CEP164: variants seen among roughly 807,000 people sequenced by gnomAD.
CEP164 encodes the protein centrosomal protein of 164 kDa.
Under a neutral mutation model 182.7 loss-of-function variants are expected in CEP164, and 162 were observed. That is an observed-to-expected ratio of 0.89 (90% CI 0.78 to 1.01). The LOEUF is 1.01. Among genes scored for constraint, CEP164 ranks in the 50% least tolerant of loss-of-function variants. The pLI is 0.00. For synonymous variants in CEP164, 661 were observed against 690.0 expected (o/e 0.96, Z 0.66); for missense variants, 1,735 against 1,790.4 (o/e 0.97, Z 0.56).
rs558296878 is a variant in CEP164 at position 117,343,629 on chromosome 11, CT to C, written c.83-519del. Among the ~76,000 whole-genome samples the C allele has an allele frequency of 1.5e-3, 201 of 129,680 alleles. 1 individual carries two copies. Among genetic ancestry groups the C allele is most frequent in the Admixed American group, 3.3e-3 (41 of 12,334 alleles). 85.1% of individuals were successfully genotyped at this position (129,680 alleles called of 152,430 possible). On this transcript the variant is annotated intron_variant, in intron 3 of 32. Coordinates refer to ENST00000278935, the MANE Select transcript of CEP164 (RefSeq NM_014956.5). Reference sequence around the variant, plus strand: ...GTCTTGGTTTTATTTTATTTTTTGCCTTTTTTTTTTTTTTTTTTGAGACGAA... The same window carrying C: ...GTCTTGGTTTTATTTTATTTTTTGCCTTTTTTTTTTTTTTTTTGAGACGAA...
upstream of CEP164, among the ~76,000 whole-genome samples, chr11:117,324,917 A>AC (rs1447790990): frequency 6.6e-6 from 1 of 152,136 alleles, no homozygotes; most frequent in Non-Finnish European, 1.5e-5. Flanking sequence ...AAACAAACAA[A>AC]AAACCAGATT....
intron 4 of CEP164, among the ~76,000 whole-genome samples, chr11:117,351,264 C>T (rs559289061): frequency 2.0e-5 from 3 of 152,272 alleles, no homozygotes; most frequent in South Asian, 4.1e-4. Flanking sequence ...CTCCCGACCT[C>T]GGCCTCCCAA....
At chr11:117,353,292 T>A (rs539654339) in intron 5 of CEP164, among the ~76,000 whole-genome samples, 1 of 152,310 alleles carries the variant, frequency 6.6e-6, no homozygotes, top group African/African-American at 2.4e-5. Flanking sequence ...CTCCCCTCCC[T>A]GACATGTTAC....
chr11:117,408,909 T>G lies in CEP164; in HGVS notation c.3629T>G (p.Leu1210Arg), dbSNP rs767571570. The change falls in exon 29 of 33, where the codon CTG becomes CGG. Residue 1210 changes from leucine to arginine, a missense_variant. By Grantham distance (102) the Leu-to-Arg change is moderately radical. Transcript: ENST00000278935. Reference protein sequence around the residue: ...LWEEASDEGTLGGSPTKKAVT... With the variant: ...LWEEASDEGTRGGSPTKKAVT... Reference sequence around the variant, plus strand: ...CCACAGGCCTCAGATGAGGGCACTCTGGGAGGATCCCCCACCAAGAAGGCA... The same window carrying G: ...CCACAGGCCTCAGATGAGGGCACTCGGGGAGGATCCCCCACCAAGAAGGCA... 6 of 1,614,116 alleles carry G rather than the reference T, an allele frequency of 3.7e-6. No individual in the cohort carries two copies. In the South Asian group the frequency reaches 5.5e-5, roughly 15 times the overall value.
At chr11:117,408,341 T>A (rs2046949934) in intron 28 of CEP164, among the ~76,000 whole-genome samples, 1 of 152,102 alleles carries the variant, frequency 6.6e-6, no homozygotes. Flanking sequence ...GTGACCAGGG[T>A]GTCAGGAATG....
chr11:117,384,061 A>G (rs891341303), intron 14 of CEP164, among the ~76,000 whole-genome samples: 1 of 152,140 alleles, frequency 6.6e-6, no homozygotes, highest in Non-Finnish European at 1.5e-5. Context: ...GTTTATAGTC[A>G]CTAGAGCCCT....
At chr11:117,410,942 G>A (rs1221377031) in intron 31 of CEP164, 48 bp downstream of exon 31, 2 of 1,549,198 alleles carry the variant, frequency 1.3e-6, no homozygotes, top group Non-Finnish European at 1.8e-6. Flanking sequence ...TAGTCGAGCT[G>A]CTCACTGTGC....
Position 117,371,082 on chromosome 11 carries a change from G to A in CEP164, c.768G>A (p.Glu256=). ...TAACATGGTCTGTTGCTCCCTAGGA[G>A]TCTCTGAGAACAAGCCAGCCAGAGG... ...GALGGDFEYE[E]SLRTSQPEEK... Residue 256 remains glutamate (E), a splice_region_variant and synonymous_variant, in exon 9 of 33, where the codon GAG becomes GAA. Transcript: ENST00000278935. The A allele has an allele frequency of 6.3e-7, 1 of 1,588,442 alleles. No individual in the cohort carries two copies. Among genetic ancestry groups the A allele is most frequent in the African/African-American group, 1.3e-5 (1 of 74,086 alleles).
intron 1 of CEP164, among the ~76,000 whole-genome samples, chr11:117,333,492 T>C (rs2036541621): frequency 6.6e-6 from 1 of 152,200 alleles, no homozygotes; most frequent in South Asian, 2.1e-4. Flanking sequence ...GAGTAGTTTT[T>C]CAAAATGTGT....
At position 117,351,995 on chromosome 11, in the gene CEP164, C is replaced by A; in HGVS notation, c.393+7C>A. ...CCCCCCCAAAAGTTCGCTGGTGAGTCAGTGGATGCCTCCTCCCAGAGAGGC... is the reference window on the plus strand; with the variant it reads ...CCCCCCCAAAAGTTCGCTGGTGAGTAAGTGGATGCCTCCTCCCAGAGAGGC... On this transcript the variant is annotated splice_region_variant and intron_variant, in intron 5 of 32. Transcript: ENST00000278935. 6.4e-7 allele frequency: 1 copy of A among 1,559,990 alleles called. No homozygotes were observed. The highest frequency in any genetic ancestry group is 1.2e-5 in the South Asian group (1 of 85,324).
chr11:117,323,922 C>T, upstream of CEP164: 2 of 344,142 alleles, frequency 5.8e-6, no homozygotes, highest in Non-Finnish European at 6.1e-6. Context: ...AGGCAGTTTG[C>T]CCATTTTAAA....
At chr11:117,359,193 C>T in intron 5 of CEP164, among the ~76,000 whole-genome samples, 1 of 152,188 alleles carries the variant, frequency 6.6e-6, no homozygotes, top group East Asian at 1.9e-4. Context: ...ATCCGCCTGC[C>T]TCAGCCTCTC....
intron 5 of CEP164, among the ~76,000 whole-genome samples, chr11:117,360,473 C>A (rs946806055): frequency 2.0e-5 from 3 of 152,192 alleles, no homozygotes; most frequent in African/African-American, 4.8e-5. Flanking sequence ...TGGGCTCAAG[C>A]AGTCCATCCT....
intron 8 of CEP164, among the ~76,000 whole-genome samples, chr11:117,370,226 G>A (rs753771747): frequency 2.6e-5 from 4 of 151,754 alleles, no homozygotes; most frequent in East Asian, 3.9e-4. Flanking sequence ...GGCAGTGCTC[G>A]GTGAGGATGC....
intron 14 of CEP164, 60 bp from the exon 15 acceptor site, chr11:117,387,143 G>A: frequency 1.4e-6 from 2 of 1,433,688 alleles, no homozygotes; most frequent in South Asian, 1.2e-5. Context: ...ATTCTAACCT[G>A]GATGCAGAGG....
At chr11:117,395,357 A>G (rs956480592) in intron 23 of CEP164, among the ~76,000 whole-genome samples, 166 bp downstream of exon 23, 1 of 152,130 alleles carries the variant, frequency 6.6e-6, no homozygotes, top group African/African-American at 2.4e-5. Flanking sequence ...CCACTTGGGA[A>G]CCTCAAGGGA....
intron 5 of CEP164, among the ~76,000 whole-genome samples, chr11:117,358,853 A>G (rs2040605918): frequency 6.6e-6 from 1 of 151,982 alleles, no homozygotes; most frequent in Non-Finnish European, 1.5e-5. Context: ...TCTTTCTGCC[A>G]CAGCCAGAGC....
intron 1 of CEP164, among the ~76,000 whole-genome samples, chr11:117,332,045 G>T (rs1403392074): frequency 6.6e-6 from 1 of 151,090 alleles, no homozygotes; most frequent in African/African-American, 2.4e-5. Context: ...GGCTGGTCTT[G>T]AGCTTCTAGG....
chr11:117,377,523 G>A (rs914997748), intron 11 of CEP164, among the ~76,000 whole-genome samples: 1 of 152,138 alleles, frequency 6.6e-6, no homozygotes, highest in African/African-American at 2.4e-5. Flanking sequence ...TGGAGGGGTC[G>A]AGATGGGGAG....
Sources: gnomAD v4.1 joint callset for allele counts (sites outside exome capture counted in the v4.1 genomes callset) on GRCh38, gnomAD v4.1.1 for gene constraint, MANE v1.5 for transcripts, NCBI Gene and HGNC (gene_info 2026-07-23, HGNC 2026-07-21) for gene names.